The following RGS22 variants were observed in gnomAD, a reference collection of about 807,000 sequenced individuals.
The protein encoded by RGS22 is regulator of G-protein signaling 22.
RGS22 carries 148 observed loss-of-function variants against 172.9 expected under a neutral mutation model. The observed-to-expected ratio is 0.86, with a 90% CI of 0.75 to 0.98. RGS22 has a LOEUF of 0.98. RGS22 is among the 50% of genes least tolerant of loss of function. The pLI, the probability that RGS22 is intolerant of heterozygous loss-of-function variation, is 0.00. For missense variants in RGS22, 1,347 were observed against 1,440.8 expected (o/e 0.93, Z 1.05); for synonymous variants, 458 against 480.2 (o/e 0.95, Z 0.60).
chr8:99,988,105 T>C (rs1813307648), intron 20 of RGS22, among the ~76,000 whole-genome samples: 1 of 151,500 alleles, frequency 6.6e-6, no homozygotes, highest in Non-Finnish European at 1.5e-5. Context: ...ATAAGTTAAA[T>C]AATTTACTAT....
At chr8:99,978,758 G>A (rs546942306) in intron 22 of RGS22, among the ~76,000 whole-genome samples, 1 of 152,268 alleles carries the variant, frequency 6.6e-6, no homozygotes, top group African/African-American at 2.4e-5. Flanking sequence ...ATTAGTTCCA[G>A]AGGCATACAT....
At chr8:100,090,953 T>C (rs1812530414) in intron 3 of RGS22, among the ~76,000 whole-genome samples, 3 of 152,124 alleles carry the variant, frequency 2.0e-5, no homozygotes, top group Non-Finnish European at 4.4e-5. Flanking sequence ...TTATTATTTT[T>C]ATAATACTTT....
At chr8:100,005,656 A>C (rs1815614929) in intron 16 of RGS22, among the ~76,000 whole-genome samples, 1 of 152,154 alleles carries the variant, frequency 6.6e-6, no homozygotes, top group South Asian at 2.1e-4. Flanking sequence ...TAGAAAATTT[A>C]ATTTAACTGT....
chr8:100,090,152 G>A (rs562698271), intron 3 of RGS22, among the ~76,000 whole-genome samples: 9 of 152,268 alleles, frequency 5.9e-5, no homozygotes, highest in South Asian at 2.1e-4. Context: ...TGTGCCAGGC[G>A]CTTAACATAC....
At chr8:99,997,444 G>C (rs978992152) in intron 19 of RGS22, among the ~76,000 whole-genome samples, 4 of 152,166 alleles carry the variant, frequency 2.6e-5, no homozygotes, top group African/African-American at 9.7e-5. Flanking sequence ...TTTTCCCAAA[G>C]CTTATTTCCA....
At position 99,977,911 on chromosome 8, in the gene RGS22, T is replaced by A. The variant is rs1812150048; in HGVS notation, c.3519+6A>T. The A allele has an allele frequency of 6.4e-7, 1 of 1,560,222 alleles. No individual in the cohort carries two copies. Among genetic ancestry groups the A allele is most frequent in the Admixed American group, 2.2e-5 (1 of 45,436 alleles). On this transcript the variant is annotated splice_donor_region_variant and intron_variant, in intron 23 of 27. Transcript: ENST00000360863. ...CTGATAAAACCCAAAATGAGTCTTG[T>A]CTCACCTTTCCAGATTTTTCGTCTT...
chr8:100,008,330 G>T, intron 15 of RGS22, 45 bp downstream of exon 15: 1 of 1,562,942 alleles, frequency 6.4e-7, no homozygotes, highest in Non-Finnish European at 8.7e-7. Flanking sequence ...CAGTATTGTA[G>T]TAAACCTGAA....
At chr8:100,104,323 T>C (rs75973059) in intron 2 of RGS22, among the ~76,000 whole-genome samples, 1 of 129,284 alleles carries the variant, frequency 7.7e-6, no homozygotes, top group Middle Eastern at 3.8e-3. Flanking sequence ...TGTCTCAAAA[T>C]ATGTGCGTGT....
intron 20 of RGS22, among the ~76,000 whole-genome samples, chr8:99,994,527 GA>G (rs1814138137): frequency 6.6e-6 from 1 of 152,102 alleles, no homozygotes; most frequent in Non-Finnish European, 1.5e-5. Context: ...GCTACACAGA[GA>G]ATAAAATACC....
At chr8:100,069,433 G>A (rs1325270289) in intron 6 of RGS22, among the ~76,000 whole-genome samples, 2 of 152,184 alleles carry the variant, frequency 1.3e-5, no homozygotes, top group Admixed American at 6.5e-5. Flanking sequence ...AGAGGCCAAA[G>A]ATCAAATAAC....
intron 16 of RGS22, 169 bp from the exon 17 acceptor site, chr8:100,004,267 C>CTT: frequency 7.6e-6 from 3 of 394,140 alleles, no homozygotes; most frequent in Non-Finnish European, 1.0e-5. Context: ...GATTCAGATT[C>CTT]TAACATATCA....
chr8:99,995,487 A>G (rs142583340), intron 20 of RGS22, among the ~76,000 whole-genome samples: 4,466 of 152,342 alleles, frequency 0.029, 215 homozygotes, highest in African/African-American at 0.1. Flanking sequence ...CAAGACATCT[A>G]TGCAGCCAAC....
rs774686789 is a variant in RGS22, at chr8:100,063,845, T to A, written c.923A>T (p.His308Leu). The A allele has an allele frequency of 6.2e-7, 1 of 1,610,482 alleles. No individual in the cohort carries two copies. ...KQDVDESLTM[H>L]FSTCEEFLSS... ...TAAAAATTCTTCACATGTTGAGAAATGCATTGTCAGGCTTTCATCAACATC... is the reference window on the plus strand; with the variant it reads ...TAAAAATTCTTCACATGTTGAGAAAAGCATTGTCAGGCTTTCATCAACATC... Residue 308 changes from histidine to leucine, a missense_variant, in exon 8 of 28, where the codon CAT becomes CTT. Physicochemically the swap from His to Leu is moderately conservative, Grantham distance 99 (BLOSUM62 -3). Coordinates refer to ENST00000360863, the MANE Select transcript of RGS22 (RefSeq NM_015668.5).
chr8:100,071,312 A>C (rs979526103), intron 6 of RGS22, 57 bp downstream of exon 6: 9 of 1,414,918 alleles, frequency 6.4e-6, no homozygotes, highest in Non-Finnish European at 8.6e-6. Context: ...AAAATAAAAA[A>C]TAAAATCAGA....
At chr8:100,084,895 A>G (rs1474069834) in intron 3 of RGS22, among the ~76,000 whole-genome samples, 1 of 152,268 alleles carries the variant, frequency 6.6e-6, no homozygotes, top group African/African-American at 2.4e-5. Context: ...ACCGAAATAA[A>G]TTAAAACTTG....
chr8:99,993,964 T>C (rs1242439054), intron 20 of RGS22, among the ~76,000 whole-genome samples: 3 of 152,116 alleles, frequency 2.0e-5, no homozygotes, highest in African/African-American at 4.8e-5. Flanking sequence ...GTTCAACAAA[T>C]GCAAATCAAT....
In RGS22 at chr8:100,052,818, T is replaced by G. The variant is rs1476998133; in HGVS notation, c.1673A>C (p.Gln558Pro). 1 of 1,614,060 alleles carries G rather than the reference T, an allele frequency of 6.2e-7. No individual in the cohort carries two copies. The highest frequency in any genetic ancestry group is 1.6e-4 in the Middle Eastern group (1 of 6,062). The change falls in exon 10 of 28, where the codon CAG (glutamine) becomes CCG (proline). Residue 558 changes from glutamine (Q) to proline (P), a missense_variant. Coordinates refer to ENST00000360863, the MANE Select transcript of RGS22 (RefSeq NM_015668.5). ...ACACCCTACCTGGATCTCAGGTATC[T>G]GTGGAATGCAAGATTTGGGTCTTAA... is the stretch of plus-strand genomic sequence containing the variant. ...LPLRPKSCIP[Q>P]IPEIQKEEFS...
intron 4 of RGS22, among the ~76,000 whole-genome samples, chr8:100,074,481 G>A (rs957451988): frequency 6.6e-6 from 1 of 152,126 alleles, no homozygotes; most frequent in African/African-American, 2.4e-5. Flanking sequence ...CCGTAGTTTT[G>A]CCTTTTCCAG....
chr8:100,005,947 G>T, intron 16 of RGS22, 70 bp downstream of exon 16: 1 of 1,058,498 alleles, frequency 9.4e-7, no homozygotes, highest in Non-Finnish European at 1.5e-6. Flanking sequence ...ATCTCCCCCT[G>T]CCCCATACAT....
Sources: allele counts gnomAD v4.1 joint callset (sites outside exome capture counted in the v4.1 genomes callset), GRCh38; gene constraint gnomAD v4.1.1; transcripts MANE v1.5; gene names NCBI Gene and HGNC (gene_info 2026-07-23, HGNC 2026-07-21).